Variants in KDM3B observed in about 807,000 individuals in gnomAD.
KDM3B encodes lysine demethylase 3B, also known as lysine-specific demethylase 3B.
A neutral mutation model predicts 170.0 loss-of-function variants in KDM3B; 10 were observed. The ratio of observed to expected loss-of-function variants is 0.06; its 90% CI spans 0.04 to 0.10. KDM3B has a LOEUF of 0.10. KDM3B is among the 10% of genes least tolerant of loss of function. The pLI is 1.00. For missense variants in KDM3B, 1,394 were observed against 2,195.2 expected, an observed-to-expected ratio of 0.64 and a Z score of 7.29; for synonymous variants, 831 against 834.8, an observed-to-expected ratio of 1.00 and a Z score of 0.08.
intron 11 of KDM3B, among the ~76,000 whole-genome samples, chr5:138,404,479 T>C (rs549159930): frequency 6.6e-6 from 1 of 151,994 alleles, no homozygotes; most frequent in South Asian, 2.1e-4. Context: ...AATACAAAAT[T>C]AGCCGGGTGT....
chr5:138,415,024 C>G (rs1267270189), intron 11 of KDM3B, 108 bp from the exon 12 acceptor site: 1 of 580,550 alleles, frequency 1.7e-6, no homozygotes, highest in Non-Finnish European at 3.1e-6. Flanking sequence ...TAGCTGTTAT[C>G]TCCTTCAGCC....
chr5:138,397,812 G>A (rs1244588271), intron 9 of KDM3B: 1 of 157,186 alleles, frequency 6.4e-6, no homozygotes, highest in Non-Finnish European at 1.4e-5. Flanking sequence ...AGTGAGCCGA[G>A]ATCATGCCAC....
chr5:138,369,877 T>C (rs1417682962), intron 1 of KDM3B, among the ~76,000 whole-genome samples: 1 of 152,224 alleles, frequency 6.6e-6, no homozygotes, highest in East Asian at 1.9e-4. Flanking sequence ...GTAAGAAAGA[T>C]GTGTCATATC....
intron 6 of KDM3B, among the ~76,000 whole-genome samples, chr5:138,385,115 G>A (rs750036447): frequency 2.7e-4 from 41 of 151,830 alleles, no homozygotes; most frequent in Admixed American, 5.2e-4. Context: ...TTCCCCTCCC[G>A]GGTTCAAGTG....
Position 138,420,825 on chromosome 5 carries a change from C to G in KDM3B, c.3835C>G (p.Leu1279Val), listed in dbSNP as rs1763254266. 2 of 1,614,148 alleles carry G rather than the reference C, an allele frequency of 1.2e-6. No individual in the cohort carries two copies. Among genetic ancestry groups the G allele is most frequent in the South Asian group, 2.2e-5 (2 of 91,086 alleles). ...TCCAAAGCTTTTTAACAGTCTGTTG[C>G]TGGGTCCCACTGCCTCCAACAACAA... is the stretch of plus-strand genomic sequence containing the variant. ...LTPKLFNSLL[L>V]GPTASNNKTE... Residue 1279 changes from leucine to valine, a missense_variant, in exon 15 of 24, where the codon CTG becomes GTG. Around this residue, in one of 19 missense-constraint regions of KDM3B, gnomAD observed 137 missense variants for 166.9 expected, o/e 0.82. Coordinates refer to ENST00000314358, the MANE Select transcript of KDM3B (RefSeq NM_016604.4).
chr5:138,419,337 C>CT, intron 14 of KDM3B, 105 bp downstream of exon 14: 1 of 1,316,190 alleles, frequency 7.6e-7, no homozygotes, highest in Non-Finnish European at 1.0e-6. Context: ...AAACATGCTA[C>CT]TTACTTTCTC....
chr5:138,359,800 C>T lies in KDM3B; in HGVS notation c.192+6813C>T, dbSNP rs147018820. Among the ~76,000 whole-genome samples, 36 of 152,172 alleles carry T rather than the reference C, an allele frequency of 2.4e-4. No individual in the cohort carries two copies. The East Asian group carries it at 4.8e-3, about 20-fold the overall frequency. Reference sequence around the variant, plus strand: ...AGTTATCTCATGTATCCAGAAGTTACCAGAGAAGTGAAAGCATATCCGCCC... The same window carrying T: ...AGTTATCTCATGTATCCAGAAGTTATCAGAGAAGTGAAAGCATATCCGCCC... On this transcript the variant is annotated intron_variant, in intron 1 of 23. Coordinates refer to ENST00000314358, the MANE Select transcript of KDM3B (RefSeq NM_016604.4).
At chr5:138,375,356 T>C in intron 3 of KDM3B, 150 bp downstream of exon 3, 1 of 304,044 alleles carries the variant, frequency 3.3e-6, no homozygotes, top group Non-Finnish European at 5.8e-6. Context: ...CTGTGCCTTT[T>C]TTATTTTATT....
At chr5:138,405,334 C>T (rs908548203) in intron 11 of KDM3B, among the ~76,000 whole-genome samples, 1 of 152,186 alleles carries the variant, frequency 6.6e-6, no homozygotes, top group Non-Finnish European at 1.5e-5. Context: ...AGCCACCATG[C>T]CCCGCCACAA....
Position 138,377,774 on chromosome 5 carries a change from A to G in KDM3B, c.529A>G (p.Thr177Ala), listed in dbSNP as rs1762034953. ...TTTGGAACATGCTGCACTGAGAGAA[A>G]CAGTTAATGCTTTGATCAGTGACCA... is the stretch of plus-strand genomic sequence containing the variant. ...ILLEHAALRE[T>A]VNALISDQKL... is the part of the protein sequence containing the mutation. The change falls in exon 4 of 24, where the codon ACA (threonine) becomes GCA (alanine). Residue 177 changes from threonine (T) to alanine (A), a missense_variant. Coordinates refer to ENST00000314358, the MANE Select transcript of KDM3B (RefSeq NM_016604.4). The G allele has an allele frequency of 3.1e-6, 5 of 1,614,068 alleles. No individual in the cohort carries two copies. The highest frequency in any genetic ancestry group is 4.2e-6 in the Non-Finnish European group (5 of 1,179,980).
In KDM3B at chr5:138,415,158, G is replaced by C; in HGVS notation, c.3226G>C (p.Val1076Leu). 1.2e-6 allele frequency: 2 copies of C among 1,608,616 alleles called. No individual in the cohort carries two copies. Among genetic ancestry groups the C allele is most frequent in the Non-Finnish European group, 1.7e-6 (2 of 1,176,068 alleles). Reference sequence around the variant, plus strand: ...GACAGAAGAGATGGGTGATGAAGAAGTTTTCTCCTGGTTGAAGTGTGCAAA... The same window carrying C: ...GACAGAAGAGATGGGTGATGAAGAACTTTTCTCCTGGTTGAAGTGTGCAAA... ...SETEEMGDEEVFSWLKCAKGQ... is the reference protein window; with the variant it reads ...SETEEMGDEELFSWLKCAKGQ... The change falls in exon 12 of 24, where the codon GTT becomes CTT. Residue 1076 changes from valine to leucine, a missense_variant. This residue lies in a region of KDM3B where 44 missense variants were observed against 71.1 expected (regional missense o/e 0.62). Coordinates refer to ENST00000314358, the MANE Select transcript of KDM3B (RefSeq NM_016604.4).
intron 12 of KDM3B, among the ~76,000 whole-genome samples, 181 bp downstream of exon 12, chr5:138,415,420 T>C (rs1763078256): frequency 6.6e-6 from 1 of 151,980 alleles, no homozygotes; most frequent in Non-Finnish European, 1.5e-5. Flanking sequence ...AAGAGACCCT[T>C]CTGTATTATT....
intron 15 of KDM3B, 39 bp from the exon 16 acceptor site, chr5:138,424,036 G>T (rs774201375): frequency 2.0e-6 from 3 of 1,502,196 alleles, no homozygotes; most frequent in African/African-American, 2.8e-5. Flanking sequence ...TTCTCATGGT[G>T]CCTCAGTCAA....
intron 3 of KDM3B, among the ~76,000 whole-genome samples, chr5:138,377,396 A>G (rs1762024691): frequency 6.6e-6 from 1 of 152,126 alleles, no homozygotes; most frequent in East Asian, 1.9e-4. Context: ...TAATTTTTGC[A>G]GAACATCTCA....
chr5:138,407,524 A>C (rs1025781372), intron 11 of KDM3B, among the ~76,000 whole-genome samples: 1 of 152,022 alleles, frequency 6.6e-6, no homozygotes, highest in Non-Finnish European at 1.5e-5. Flanking sequence ...TCCGTGTCCA[A>C]AATTTTCCTG....
chr5:138,429,315 G>C (rs1478830441), intron 20 of KDM3B, among the ~76,000 whole-genome samples: 1 of 152,046 alleles, frequency 6.6e-6, no homozygotes, highest in African/African-American at 2.4e-5. Context: ...GCCTCTCAAA[G>C]TGCTGGGATT....
intron 1 of KDM3B, among the ~76,000 whole-genome samples, chr5:138,357,864 C>T (rs1761493687): frequency 6.6e-6 from 1 of 151,594 alleles, no homozygotes; most frequent in South Asian, 2.1e-4. Flanking sequence ...GGACTACAGG[C>T]ATGCATGAGA....
intron 1 of KDM3B, among the ~76,000 whole-genome samples, chr5:138,369,141 C>T (rs558746709): frequency 6.6e-6 from 1 of 152,312 alleles, no homozygotes; most frequent in African/African-American, 2.4e-5. Flanking sequence ...CTCTGGTTTT[C>T]TGAGGACACC....
rs368719952 is a variant in KDM3B, at chr5:138,429,985, G to A, written c.4893+20G>A. On this transcript the variant is annotated intron_variant, in intron 21 of 23. Transcript: ENST00000314358. ...CGAAAGGTACGCCCCTGGGTGGGCT[G>A]TGCTCCCAGCTCACATATCAAGAGT... is the stretch of plus-strand genomic sequence containing the variant. 7.4e-6 allele frequency: 12 copies of A among 1,613,054 alleles called. No individual in the cohort carries two copies. The South Asian group carries it at 9.9e-5, about 13-fold the overall frequency.
Sources: gnomAD v4.1 joint callset for allele counts (sites outside exome capture counted in the v4.1 genomes callset) on GRCh38, gnomAD v4.1.1 for gene constraint, gnomAD v4.1.1 regional missense constraint, MANE v1.5 for transcripts, NCBI Gene and HGNC (gene_info 2026-07-23, HGNC 2026-07-21) for gene names.